NAALADL2: variants seen among roughly 807,000 people sequenced by gnomAD.
The protein encoded by NAALADL2 is inactive N-acetylated-alpha-linked acidic dipeptidase-like protein 2.
In NAALADL2, 76 loss-of-function variants were observed where a neutral mutation model predicts 87.2. That is an observed-to-expected ratio of 0.87 (90% CI 0.72 to 1.05). NAALADL2 has a LOEUF of 1.05. Ranked by LOEUF, NAALADL2 falls within the 50% of genes least tolerant of loss-of-function variation. The pLI is 0.00. For synonymous variants in NAALADL2, 354 were observed against 331.0 expected, an observed-to-expected ratio of 1.07 and a Z score of -0.75; for missense variants, 1,089 against 945.8, an observed-to-expected ratio of 1.15 and a Z score of -1.99.
intron 9 of NAALADL2, among the ~76,000 whole-genome samples, chr3:175,516,345 T>TATTG (rs1189726375): frequency 6.6e-6 from 1 of 152,128 alleles, no homozygotes; most frequent in Non-Finnish European, 1.5e-5. Flanking sequence ...AAGGAGAAGG[T>TATTG]ATTGTCTTAG....
chr3:175,419,219 G>A (rs1269168456), intron 5 of NAALADL2, among the ~76,000 whole-genome samples: 1 of 151,738 alleles, frequency 6.6e-6, no homozygotes, highest in Non-Finnish European at 1.5e-5. Flanking sequence ...AGTTGCATAT[G>A]ACAAGGGTTT....
intron 9 of NAALADL2, among the ~76,000 whole-genome samples, chr3:175,575,339 C>T (rs913684787): frequency 1.3e-5 from 2 of 152,006 alleles, no homozygotes; most frequent in African/African-American, 2.4e-5. Flanking sequence ...GCCTGGAGTG[C>T]AATGGTACAC....
At chr3:175,715,114 C>A (rs963562553) in intron 11 of NAALADL2, among the ~76,000 whole-genome samples, 7 of 152,110 alleles carry the variant, frequency 4.6e-5, no homozygotes, top group South Asian at 2.1e-4. Flanking sequence ...ATACGTGGAA[C>A]CTTTCTTTAG....
chr3:175,803,771 G>A lies in NAALADL2; in HGVS notation c.*568G>A. The A allele has an allele frequency of 6.6e-6, 1 of 152,380 alleles. No homozygotes were observed. Among genetic ancestry groups the A allele is most frequent in the Non-Finnish European group, 1.5e-5 (1 of 67,914 alleles). 9.4% of individuals were successfully genotyped at this position (152,380 alleles called of 1,614,324 possible). Reference sequence around the variant, plus strand: ...CTAGATGTAGTAATACACTGGTTATGAAATTGTATTTTTTTAAGTATTAAT... The same window carrying A: ...CTAGATGTAGTAATACACTGGTTATAAAATTGTATTTTTTTAAGTATTAAT... On this transcript the variant is annotated 3_prime_UTR_variant, in exon 14 of 14. Transcript: ENST00000454872.
chr3:175,719,804 A>G (rs990141132), intron 11 of NAALADL2, among the ~76,000 whole-genome samples: 1 of 152,216 alleles, frequency 6.6e-6, no homozygotes, highest in African/African-American at 2.4e-5. Flanking sequence ...TCTCACAGGT[A>G]TGGAGGCTGG....
Position 175,566,547 on chromosome 3 carries a change from T to G in NAALADL2, c.1654-9494T>G, listed in dbSNP as rs144248219. ...ATTATTTCATTATATGTGTGCAATC[T>G]AACTTATTTAAATTTTATAGAATTT... On this transcript the variant is annotated intron_variant, in intron 9 of 13. Transcript: ENST00000454872. Among the ~76,000 whole-genome samples, 28 of 152,314 alleles carry G rather than the reference T, an allele frequency of 1.8e-4. 1 individual carries two copies. In the Middle Eastern group the frequency reaches 0.017, roughly 93 times the overall value.
intron 1 of NAALADL2, among the ~76,000 whole-genome samples, chr3:175,083,677 T>G (rs186831631): frequency 6.5e-4 from 99 of 152,252 alleles, no homozygotes; most frequent in African/African-American, 2.3e-3. Flanking sequence ...TCAAATGCCT[T>G]TAATTTAATA....
intron 2 of NAALADL2, among the ~76,000 whole-genome samples, chr3:175,128,425 A>G (rs1727296782): frequency 6.6e-6 from 1 of 151,586 alleles, no homozygotes; most frequent in Admixed American, 6.6e-5. Context: ...AGAACAAAGG[A>G]CCATTTGATT....
chr3:175,076,269 T>A (rs1295777729), intron 1 of NAALADL2, among the ~76,000 whole-genome samples: 1 of 150,816 alleles, frequency 6.6e-6, no homozygotes, highest in Non-Finnish European at 1.5e-5. Flanking sequence ...AAAGATTAGA[T>A]GAGATGTGAA....
At chr3:175,119,428 A>G (rs1293167636) in intron 2 of NAALADL2, among the ~76,000 whole-genome samples, 1 of 151,518 alleles carries the variant, frequency 6.6e-6, no homozygotes, top group Non-Finnish European at 1.5e-5. Flanking sequence ...TATTTGTAGT[A>G]TTTGGAAATG....
At chr3:175,269,201 A>AAAAG (rs1447501772) in intron 4 of NAALADL2, among the ~76,000 whole-genome samples, 1 of 152,018 alleles carries the variant, frequency 6.6e-6, no homozygotes, top group African/African-American at 2.4e-5. Flanking sequence ...AGCCTCCCAA[A>AAAAG]ATGCTGAGAT....
intron 2 of NAALADL2, among the ~76,000 whole-genome samples, chr3:175,195,653 A>G (rs143670315): frequency 6.6e-6 from 1 of 152,052 alleles, no homozygotes; most frequent in Non-Finnish European, 1.5e-5. Context: ...TCGTATATGC[A>G]TTTTGAGTTA....
chr3:175,504,565 TTCTCTCTCTC>T (rs200985901), intron 9 of NAALADL2, among the ~76,000 whole-genome samples: 8,699 of 134,200 alleles, frequency 0.065, 300 homozygotes, highest in Middle Eastern at 0.083. Flanking sequence ...CTCTCTCTGT[TTCTCTCTCTC>T]TCTCTCTCTC....
intron 13 of NAALADL2, among the ~76,000 whole-genome samples, chr3:175,792,408 G>A (rs889759609): frequency 3.9e-5 from 6 of 152,114 alleles, no homozygotes; most frequent in Admixed American, 3.9e-4. Flanking sequence ...GTCAATTGCT[G>A]CACTTTGTAC....
chr3:175,170,353 A>G (rs1734618545), intron 2 of NAALADL2, among the ~76,000 whole-genome samples: 1 of 150,110 alleles, frequency 6.7e-6, no homozygotes, highest in African/African-American at 2.4e-5. Flanking sequence ...TTCTTCAAGT[A>G]TTTTATATAA....
At chr3:174,990,942 C>A (rs1239489210) in intron 1 of NAALADL2, among the ~76,000 whole-genome samples, 1 of 152,004 alleles carries the variant, frequency 6.6e-6, no homozygotes, top group Non-Finnish European at 1.5e-5. Flanking sequence ...CTTGTTAGAG[C>A]CATTACAGAA....
At chr3:175,579,708 T>G (rs955166729) in intron 10 of NAALADL2, among the ~76,000 whole-genome samples, 5 of 152,156 alleles carry the variant, frequency 3.3e-5, no homozygotes, top group African/African-American at 1.2e-4. Context: ...TTAAATACAA[T>G]GCGGAGAATG....
rs561783341 is a variant in NAALADL2, at chr3:175,075,715, C to T, written c.44-21075C>T. On this transcript the variant is annotated intron_variant, in intron 1 of 13. Transcript: ENST00000454872. ...GTTCAATAACTTGAAACCTGAGGGA[C>T]GAAAGTTGTCTAGTCAGGCCCAGAA... Among the ~76,000 whole-genome samples the T allele has an allele frequency of 5.9e-5, 9 of 152,154 alleles. No homozygotes were observed. In the East Asian group the frequency reaches 9.7e-4, roughly 16 times the overall value.
intron 3 of NAALADL2, among the ~76,000 whole-genome samples, chr3:174,793,939 G>T (rs1285573944): frequency 1.3e-5 from 2 of 151,736 alleles, no homozygotes; most frequent in African/African-American, 4.8e-5. Flanking sequence ...TATCCTTGAA[G>T]AAATCATTTG....
Sources: allele counts gnomAD v4.1 joint callset (sites outside exome capture counted in the v4.1 genomes callset), GRCh38; gene constraint gnomAD v4.1.1; transcripts MANE v1.5; gene names NCBI Gene and HGNC (gene_info 2026-07-23, HGNC 2026-07-21).